BTD: variants seen among roughly 807,000 people sequenced by gnomAD.
BTD encodes biotinidase, also known as biocytinase.
In BTD, 13 loss-of-function variants were observed where a neutral mutation model predicts 17.7. The observed-to-expected ratio is 0.74, with a 90% CI of 0.48 to 1.17. The LOEUF is 1.17. Ranked by LOEUF, BTD falls within the 50% of genes most tolerant of loss-of-function variation. The pLI is 0.00. For synonymous variants in BTD, 240 were observed against 245.2 expected (o/e 0.98, Z 0.20); for missense variants, 674 against 650.4 (o/e 1.04, Z -0.39).
At chr3:15,636,370 T>A (rs1348411052) in intron 2 of BTD, among the ~76,000 whole-genome samples, 1 of 152,162 alleles carries the variant, frequency 6.6e-6, no homozygotes, top group Non-Finnish European at 1.5e-5. Flanking sequence ...GTGCCAGCCT[T>A]TGTGAAGGCT....
chr3:15,719,880 T>G (rs2073509506), intron 4 of BTD, among the ~76,000 whole-genome samples: 1 of 152,032 alleles, frequency 6.6e-6, no homozygotes, highest in Non-Finnish European at 1.5e-5. Flanking sequence ...ATTCCTTTAT[T>G]TATTTTTTGA....
chr3:15,712,809 G>T (rs1292692967), downstream of BTD, among the ~76,000 whole-genome samples: 1 of 152,056 alleles, frequency 6.6e-6, no homozygotes, highest in Non-Finnish European at 1.5e-5. Flanking sequence ...TGTGAAAGAA[G>T]GCCTAAATTT....
At chr3:15,712,273 C>G in exon 4 of BTD, 1 of 1,402,624 alleles carries the variant, frequency 7.1e-7, no homozygotes, top group Non-Finnish European at 9.9e-7. Context: ...AAGAAAAATA[C>G]AATCAGTTAA....
At chr3:15,672,824 A>G (rs557538482) in intron 3 of BTD, among the ~76,000 whole-genome samples, 7 of 152,320 alleles carry the variant, frequency 4.6e-5, no homozygotes, top group African/African-American at 1.4e-4. Context: ...CACCCAGGCT[A>G]GAGTGCACTG....
rs896108445 is a variant in BTD at position 15,635,380 on chromosome 3, G to T, written c.-16-44G>T. ...GCTGCAAACGTTAAATTCTTGGCAG[G>T]ATTCTTTATTCAGCTGTTTTCCCCT... On this transcript the variant is annotated intron_variant, in intron 1 of 3. Transcript: ENST00000643237. This position sits in a 1 kb window ranked among gnomAD's most constrained non-coding sequence, Gnocchi z 4.1. The T allele has an allele frequency of 1.2e-6, 2 of 1,613,740 alleles. No homozygotes were observed. Among genetic ancestry groups the T allele is most frequent in the Non-Finnish European group, 8.5e-7 (1 of 1,179,888 alleles).
chr3:15,603,006 G>A (rs2125319990), intron 1 of BTD, among the ~76,000 whole-genome samples: 1 of 152,258 alleles, frequency 6.6e-6, no homozygotes, highest in South Asian at 2.1e-4. Flanking sequence ...AGGCAAGAGA[G>A]CGTGTGCAGG....
intron 2 of BTD, among the ~76,000 whole-genome samples, chr3:15,641,390 C>G (rs2125482518): frequency 6.6e-6 from 1 of 152,324 alleles, no homozygotes; most frequent in South Asian, 2.1e-4. Flanking sequence ...CTATCCCACC[C>G]ACAGTCAATC....
chr3:15,656,268 A>G (rs1172311132), downstream of BTD, among the ~76,000 whole-genome samples: 2 of 151,976 alleles, frequency 1.3e-5, no homozygotes, highest in African/African-American at 2.4e-5. Flanking sequence ...ATCAGTTCTA[A>G]TCAATACCTC....
In BTD at chr3:15,669,937, T is replaced by C. The variant is rs562260375; in HGVS notation, c.399+27880T>C. On this transcript the variant is annotated intron_variant, in intron 3 of 3. Transcript: ENST00000672141. ...AAAATTTAAATCTAGTGTCTTTATT[T>C]CTTCTGTTACAATAGTGTTGCTTGT... 3.1e-5 allele frequency: 6 copies of C among 193,836 alleles called. No individual in the cohort carries two copies. The South Asian group carries it at 9.6e-4, about 31-fold the overall frequency. 12.0% of individuals were successfully genotyped at this position (193,836 alleles called of 1,614,324 possible).
At chr3:15,695,696 A>G (rs1029104421) in intron 3 of BTD, among the ~76,000 whole-genome samples, 1 of 152,164 alleles carries the variant, frequency 6.6e-6, no homozygotes, top group African/African-American at 2.4e-5. Context: ...CACAGCAGAA[A>G]TAAAAACGTC....
intron 3 of BTD, among the ~76,000 whole-genome samples, chr3:15,683,431 C>G (rs913539526): frequency 6.6e-6 from 1 of 152,162 alleles, no homozygotes; most frequent in Non-Finnish European, 1.5e-5. Context: ...TCACTACACT[C>G]ATTTCTACTT....
At chr3:15,665,526 A>C (rs1406072606) in intron 3 of BTD, among the ~76,000 whole-genome samples, 2 of 152,230 alleles carry the variant, frequency 1.3e-5, no homozygotes, top group African/African-American at 4.8e-5. Context: ...CCCACACTGT[A>C]AGGGTACCAC....
intron 2 of BTD, among the ~76,000 whole-genome samples, chr3:15,636,782 G>C (rs1211040381): frequency 1.3e-5 from 2 of 151,484 alleles, no homozygotes; most frequent in Non-Finnish European, 2.9e-5. Flanking sequence ...TGTATGGGGT[G>C]GGGGGGTGTT....
intron 3 of BTD, chr3:15,690,307 G>A (rs2068624200): frequency 1.8e-6 from 2 of 1,103,752 alleles, no homozygotes; most frequent in Non-Finnish European, 2.5e-6. Flanking sequence ...AAGCAAACTT[G>A]TCTTCATATT....
intron 3 of BTD, among the ~76,000 whole-genome samples, chr3:15,661,112 A>G (rs1446711979): frequency 2.0e-5 from 3 of 151,724 alleles, no homozygotes; most frequent in Non-Finnish European, 4.4e-5. Context: ...CTAAAAATAC[A>G]AAAATTAGCC....
chr3:15,669,396 TC>T (rs996875377), intron 3 of BTD: 8 of 152,134 alleles, frequency 5.3e-5, no homozygotes. Flanking sequence ...CTTTTTGATT[TC>T]ATGAATTTTT....
At chr3:15,694,405 C>T (rs1375252462) in intron 3 of BTD, among the ~76,000 whole-genome samples, 1 of 152,100 alleles carries the variant, frequency 6.6e-6, no homozygotes, top group Non-Finnish European at 1.5e-5. Flanking sequence ...ACTTATAAGG[C>T]ATTCCACTAG....
At position 15,705,679 on chromosome 3, in the gene BTD, A is replaced by G. The variant is rs1031304322; in HGVS notation, c.400-4381A>G. 3.3e-5 allele frequency among the ~76,000 whole-genome samples: 5 copies of G among 152,326 alleles called. No homozygotes were observed. In the South Asian group the frequency reaches 1.0e-3, roughly 32 times the overall value. Reference sequence around the variant, plus strand: ...AAAAACATACTTTATATTCTTGCAAATAAAATACACATTACTATTGCCTTT... The same window carrying G: ...AAAAACATACTTTATATTCTTGCAAGTAAAATACACATTACTATTGCCTTT... On this transcript the variant is annotated intron_variant, in intron 3 of 3. Coordinates refer to the BTD transcript ENST00000672141.
At chr3:15,713,380 C>T, downstream of BTD, 1 of 588,426 alleles carries the variant, frequency 1.7e-6, no homozygotes, top group Non-Finnish European at 3.0e-6. Context: ...TTTAACCTAC[C>T]ACTTTGTCAA....
Sources: allele counts gnomAD v4.1 joint callset (sites outside exome capture counted in the v4.1 genomes callset), GRCh38; gene constraint gnomAD v4.1.1; non-coding constraint Gnocchi (gnomAD v3.1); transcripts MANE v1.5; gene names NCBI Gene and HGNC (gene_info 2026-07-23, HGNC 2026-07-21).